The following MIB1 variants were observed in gnomAD, a reference collection of about 807,000 sequenced individuals.
MIB1 encodes MIB E3 ubiquitin protein ligase 1.
In MIB1, 278 loss-of-function variants were observed where a neutral mutation model predicts 124.5. That is an observed-to-expected ratio of 2.23 (90% confidence interval 2.02 to 2.47). The LOEUF (loss-of-function observed/expected upper bound fraction) is 2.47, where lower values mean the gene tolerates loss of function less well. MIB1 is among the 30% of genes most tolerant of loss of function. The pLI is 0.00. For missense variants in MIB1, 957 were observed against 1,254.4 expected, an observed-to-expected ratio of 0.76 and a Z score of 3.58; for synonymous variants, 446 against 429.4, an observed-to-expected ratio of 1.04 and a Z score of -0.48.
At chr18:21,846,276 C>T (rs1861026758) in intron 15 of MIB1, among the ~76,000 whole-genome samples, 1 of 152,066 alleles carries the variant, frequency 6.6e-6, no homozygotes, top group African/African-American at 2.4e-5. Flanking sequence ...GCTCGGTGTG[C>T]CTCTTTTTTT....
At chr18:21,728,499 AAAAC>A (rs2040753149) in intron 1 of MIB1, among the ~76,000 whole-genome samples, 1 of 152,096 alleles carries the variant, frequency 6.6e-6, no homozygotes, top group African/African-American at 2.4e-5. Context: ...GTCTCAAAAA[AAAAC>A]AAAAAACTAT....
chr18:21,809,877 A>G (rs752203708), intron 10 of MIB1, among the ~76,000 whole-genome samples: 1 of 152,128 alleles, frequency 6.6e-6, no homozygotes, highest in Non-Finnish European at 1.5e-5. Flanking sequence ...ATTTAACAGT[A>G]CTAGAAGTGC....
chr18:21,724,446 T>A (rs1461704468), intron 1 of MIB1, among the ~76,000 whole-genome samples: 1 of 151,936 alleles, frequency 6.6e-6, no homozygotes, highest in African/African-American at 2.4e-5. Context: ...GGCTCATGCC[T>A]GTAATCCCAG....
chr18:21,814,005 T>C (rs1313156755), intron 10 of MIB1, among the ~76,000 whole-genome samples: 1 of 152,228 alleles, frequency 6.6e-6, no homozygotes, highest in Non-Finnish European at 1.5e-5. Flanking sequence ...AGACTTCTTT[T>C]CATACTTTTT....
In MIB1 at chr18:21,849,363, A is replaced by G; in HGVS notation, c.2561A>G (p.Lys854Arg). 3 of 1,611,306 alleles carry G rather than the reference A, an allele frequency of 1.9e-6. No homozygotes were observed. Among genetic ancestry groups the G allele is most frequent in the Non-Finnish European group, 2.5e-6 (3 of 1,178,636 alleles). ...CGTGTCAAGAAATGCCTCATCTGTA[A>G]AGAACAGGTTCAATCCAGGACAAAG... ...SPRVKKCLIC[K>R]EQVQSRTKIE... Residue 854 changes from lysine (K) to arginine (R), a missense_variant, in exon 17 of 21, where the codon AAA (lysine) becomes AGA (arginine). Transcript: ENST00000261537.
chr18:21,864,656 T>C lies in MIB1; in HGVS notation c.3011T>C (p.Leu1004Pro). Residue 1004 changes from leucine to proline, a missense_variant, in exon 21 of 21, where the codon CTT (leucine) becomes CCT (proline). By Grantham distance (98) the Leu-to-Pro change is moderately conservative (BLOSUM62 -3). Coordinates refer to ENST00000261537, the MANE Select transcript of MIB1 (RefSeq NM_020774.4). ...ICRKAIERRI[L>P]LY ...CGCAAGGCTATTGAACGAAGGATTC[T>C]TTTGTATTAACTAAGACACATGGTG... 1 of 1,613,486 alleles carries C rather than the reference T, an allele frequency of 6.2e-7. No individual in the cohort carries two copies.
chr18:21,850,252 A>T (rs776844401), intron 17 of MIB1, among the ~76,000 whole-genome samples: 1 of 152,150 alleles, frequency 6.6e-6, no homozygotes, highest in Non-Finnish European at 1.5e-5. Flanking sequence ...TTGCATATAA[A>T]GTGAAATTTG....
At chr18:21,833,629 T>C (rs559964341) in intron 12 of MIB1, among the ~76,000 whole-genome samples, 1 of 152,202 alleles carries the variant, frequency 6.6e-6, no homozygotes, top group Non-Finnish European at 1.5e-5. Flanking sequence ...AAATGTTGCC[T>C]GCCTCTGAAG....
chr18:21,746,699 T>C lies in MIB1; in HGVS notation c.229+4887T>C, dbSNP rs368681937. 7.2e-5 allele frequency among the ~76,000 whole-genome samples: 11 copies of C among 152,340 alleles called. No homozygotes were observed. The South Asian group carries it at 2.3e-3, about 32-fold the overall frequency. Reference sequence around the variant, plus strand: ...ATGGAGAAAATGAATGTAGATTTCCTGTTAAGGTTCTGTCATTCTTCGTGT... The same window carrying C: ...ATGGAGAAAATGAATGTAGATTTCCCGTTAAGGTTCTGTCATTCTTCGTGT... On this transcript the variant is annotated intron_variant, in intron 1 of 20. Coordinates refer to ENST00000261537, the MANE Select transcript of MIB1 (RefSeq NM_020774.4).
At chr18:21,706,318 G>A (rs569353823) in intron 1 of MIB1, among the ~76,000 whole-genome samples, 19 of 152,222 alleles carry the variant, frequency 1.2e-4, no homozygotes, top group Non-Finnish European at 2.2e-4. Flanking sequence ...TGATCCACTC[G>A]CCTCGGCCTC....
At chr18:21,801,785 A>T (rs2041653014) in intron 9 of MIB1, among the ~76,000 whole-genome samples, 1 of 152,086 alleles carries the variant, frequency 6.6e-6, no homozygotes, top group African/African-American at 2.4e-5. Context: ...GTTCATTTTC[A>T]TCTTCTGGGA....
intron 1 of MIB1, among the ~76,000 whole-genome samples, chr18:21,754,568 G>A (rs1214020621): frequency 6.6e-6 from 1 of 152,144 alleles, no homozygotes; most frequent in Non-Finnish European, 1.5e-5. Flanking sequence ...CTGAAGAGCG[G>A]TGATGTTGGC....
chr18:21,752,465 TAA>T (rs1405996021), intron 1 of MIB1, among the ~76,000 whole-genome samples: 1 of 152,184 alleles, frequency 6.6e-6, no homozygotes, highest in African/African-American at 2.4e-5. Flanking sequence ...CTTTAGGAAA[TAA>T]ATGGATTAGA....
intron 11 of MIB1, among the ~76,000 whole-genome samples, chr18:21,816,214 T>A (rs2041828776): frequency 6.6e-6 from 1 of 152,202 alleles, no homozygotes. Context: ...GAATAGTCGT[T>A]AGTGTAATCT....
intron 12 of MIB1, chr18:21,829,203 C>A: frequency 3.1e-6 from 1 of 322,826 alleles, no homozygotes; most frequent in South Asian, 2.5e-5. Flanking sequence ...ACTAATTTAT[C>A]GAAGACTAAA....
At chr18:21,737,898 A>G (rs535411159), upstream of MIB1, among the ~76,000 whole-genome samples, 1 of 152,332 alleles carries the variant, frequency 6.6e-6, no homozygotes, top group East Asian at 1.9e-4. Flanking sequence ...AGAGACCTAC[A>G]AAGAGACTTA....
At chr18:21,861,899 T>A (rs1172266610) in intron 20 of MIB1, among the ~76,000 whole-genome samples, 1 of 151,900 alleles carries the variant, frequency 6.6e-6, no homozygotes, top group African/African-American at 2.4e-5. Flanking sequence ...TATCAATCTA[T>A]TTTGCTTTTC....
rs2040844506 is a variant in MIB1, at chr18:21,741,160, C to G, written c.-424C>G. ...GGTGGCAGAAAGGCCGGCAGTTAAG[C>G]TTGCTCCCCGCCGCCCCCCTCGGGC... is the stretch of plus-strand genomic sequence containing the variant. On this transcript the variant is annotated 5_prime_UTR_variant, in exon 1 of 21. Transcript: ENST00000261537. The surrounding 1 kb of genome is among the most constrained non-coding windows in gnomAD (Gnocchi z 5.4). Among the ~76,000 whole-genome samples, 1 of 152,070 alleles carries G rather than the reference C, an allele frequency of 6.6e-6. No homozygotes were observed. The highest frequency in any genetic ancestry group is 2.4e-5 in the African/African-American group (1 of 41,446).
intron 1 of MIB1, among the ~76,000 whole-genome samples, chr18:21,709,083 G>A (rs1424632204): frequency 6.6e-6 from 1 of 152,114 alleles, no homozygotes; most frequent in East Asian, 1.9e-4. Context: ...TTGGGAGGCC[G>A]AGGCGGGCGG....
Sources: allele counts gnomAD v4.1 joint callset (sites outside exome capture counted in the v4.1 genomes callset), GRCh38; gene constraint gnomAD v4.1.1; non-coding constraint Gnocchi (gnomAD v3.1); transcripts MANE v1.5; gene names NCBI Gene and HGNC (gene_info 2026-07-23, HGNC 2026-07-21).